The following GARS1 variants were observed in gnomAD, a reference collection of about 807,000 sequenced individuals.
The protein encoded by GARS1 is glycyl-tRNA synthetase 1, also known as glycine--tRNA ligase.
GARS1 carries 46 observed loss-of-function variants against 86.4 expected under a neutral mutation model. The observed-to-expected ratio is 0.53, with a 90% CI of 0.42 to 0.68. GARS1 has a LOEUF of 0.68. GARS1 is among the 30% of genes least tolerant of loss of function. GARS1 has a pLI of 0.00. For synonymous variants in GARS1, 342 were observed against 329.8 expected (o/e 1.04, Z -0.40); for missense variants, 797 against 915.6 (o/e 0.87, Z 1.67).
chr7:30,597,808 T>G (rs1002424762), intron 1 of GARS1, among the ~76,000 whole-genome samples: 3 of 152,232 alleles, frequency 2.0e-5, no homozygotes, highest in Non-Finnish European at 2.9e-5. Flanking sequence ...AATGGATCAC[T>G]GAAATTAGAA....
chr7:30,610,519 G>A (rs1039971846), intron 7 of GARS1, among the ~76,000 whole-genome samples: 21 of 152,170 alleles, frequency 1.4e-4, no homozygotes, highest in African/African-American at 4.8e-4. Flanking sequence ...TGAAGAATAA[G>A]AAAAATTAAT....
Position 30,599,885 on chromosome 7 carries a change from T to C in GARS1, c.325-62T>C, listed in dbSNP as rs561360176. On this transcript the variant is annotated intron_variant, in intron 2 of 16. Coordinates refer to ENST00000389266, the MANE Select transcript of GARS1 (RefSeq NM_002047.4). ...TGGTGAGGAATAAACTAAATTCAGA[T>C]ATATAAGTTCAGATTCCCACCCACC... The C allele has an allele frequency of 2.4e-5, 25 of 1,036,564 alleles. No homozygotes were observed. In the South Asian group the frequency reaches 3.3e-4, roughly 14 times the overall value. The allele number at this position is 1,036,564 out of a possible 1,614,324, so 64.2% of individuals were successfully genotyped here. A position where few individuals can be genotyped will look rare whatever the true frequency, so the allele number is the denominator to read the frequency against.
chr7:30,626,353 T>C, intron 13 of GARS1, 34 bp downstream of exon 13: 3 of 1,281,706 alleles, frequency 2.3e-6, no homozygotes, highest in Non-Finnish European at 3.4e-6. Flanking sequence ...AAAAAGTCAC[T>C]GCTCCTTAAA....
intron 3 of GARS1, among the ~76,000 whole-genome samples, chr7:30,600,409 G>T (rs1791348895): frequency 6.6e-6 from 1 of 152,194 alleles, no homozygotes; most frequent in Non-Finnish European, 1.5e-5. Context: ...TCACACAGGG[G>T]CAGTGATAAA....
chr7:30,602,473 C>G (rs1008792000), intron 4 of GARS1, among the ~76,000 whole-genome samples: 4 of 152,194 alleles, frequency 2.6e-5, no homozygotes, highest in Non-Finnish European at 5.9e-5. Context: ...GTTAGGTTCT[C>G]TTAATAATTT....
intron 13 of GARS1, 108 bp from the exon 14 acceptor site, chr7:30,628,452 T>C: frequency 1.3e-6 from 1 of 791,660 alleles, no homozygotes; most frequent in Non-Finnish European, 2.2e-6. Flanking sequence ...CCCAAAATGC[T>C]GGGATTACAG....
intron 7 of GARS1, among the ~76,000 whole-genome samples, chr7:30,610,533 G>A (rs934141933): frequency 2.6e-5 from 4 of 152,154 alleles, no homozygotes; most frequent in South Asian, 4.1e-4. Flanking sequence ...AATTAATTGT[G>A]ACAAAATGTG....
At chr7:30,620,452 C>G (rs911939415) in intron 10 of GARS1, among the ~76,000 whole-genome samples, 3 of 152,142 alleles carry the variant, frequency 2.0e-5, no homozygotes, top group Non-Finnish European at 4.4e-5. Flanking sequence ...GTCCCAAATT[C>G]CAGTGATTAG....
rs1562769088 is a variant in GARS1 at position 30,594,892 on chromosome 7, CCT to C, written c.-25_-24del. 2.6e-6 allele frequency: 4 copies of C among 1,525,356 alleles called. No homozygotes were observed. The highest frequency in any genetic ancestry group is 3.9e-5 in the Admixed American group (2 of 51,172). The allele number at this position is 1,525,356 out of a possible 1,614,324, so 94.5% of individuals were successfully genotyped here. ...CGGCGCGCGCCGCTTCCGTCGCCAC[CCT>C]CTCTGGACAGCCCAGGGCCGCAGGC... is the stretch of plus-strand genomic sequence containing the variant. On this transcript the variant is annotated 5_prime_UTR_variant, in exon 1 of 17. Coordinates refer to ENST00000389266, the MANE Select transcript of GARS1 (RefSeq NM_002047.4).
At chr7:30,620,129 A>C (rs1272938398) in intron 10 of GARS1, among the ~76,000 whole-genome samples, 1 of 7,392 alleles carries the variant, frequency 1.4e-4, no homozygotes, top group East Asian at 1.6e-3. Flanking sequence ...GATCAAGGGC[A>C]AAAAAAAAAA....
At chr7:30,611,039 T>C (rs1791588804) in intron 7 of GARS1, among the ~76,000 whole-genome samples, 1 of 152,230 alleles carries the variant, frequency 6.6e-6, no homozygotes, top group East Asian at 1.9e-4. Context: ...CCCTTGGTTT[T>C]AAAGTTATTT....
intron 8 of GARS1, among the ~76,000 whole-genome samples, chr7:30,613,065 C>A (rs916312464): frequency 2.6e-5 from 4 of 152,178 alleles, no homozygotes; most frequent in South Asian, 2.1e-4. Flanking sequence ...GTCTTCTCTT[C>A]TTACTCACTG....
chr7:30,612,719 C>G (rs1236831191), intron 8 of GARS1, among the ~76,000 whole-genome samples: 4 of 152,074 alleles, frequency 2.6e-5, no homozygotes, highest in Admixed American at 6.5e-5. Flanking sequence ...GTTCTGGAAA[C>G]AACCTCCGTC....
At chr7:30,622,113 A>G (rs1440707220) in intron 11 of GARS1, 10 of 606,696 alleles carry the variant, frequency 1.6e-5, no homozygotes, top group Admixed American at 8.0e-5. Flanking sequence ...AAAAGTTTCT[A>G]TTGATGGTGT....
rs1288258323 is a variant in GARS1 at position 30,626,273 on chromosome 7, A to G, written c.1653A>G (p.Leu551=). The G allele has an allele frequency of 3.1e-6, 5 of 1,608,270 alleles. No individual in the cohort carries two copies. The highest frequency in any genetic ancestry group is 1.3e-5 in the African/African-American group (1 of 74,960). The part of the protein sequence containing the change: ...TIETEGKTFQ[L]TKDMINVKRF... ...AAACTGAAGGGAAAACATTTCAGTT[A>G]ACAAAAGACATGATCAATGTGAAGA... Residue 551 remains leucine (L), a synonymous_variant, in exon 13 of 17, where the codon TTA becomes TTG. Coordinates refer to ENST00000389266, the MANE Select transcript of GARS1 (RefSeq NM_002047.4).
intron 12 of GARS1, among the ~76,000 whole-genome samples, chr7:30,625,337 G>A (rs1783106796): frequency 6.6e-6 from 1 of 152,184 alleles, no homozygotes; most frequent in Non-Finnish European, 1.5e-5. Flanking sequence ...ATGGAACCTT[G>A]AATGCATGCA....
chr7:30,599,730 A>T (rs1791334737), intron 2 of GARS1, among the ~76,000 whole-genome samples: 1 of 152,160 alleles, frequency 6.6e-6, no homozygotes, highest in African/African-American at 2.4e-5. Flanking sequence ...CTTGGAAATG[A>T]TCATATATTT....
chr7:30,619,895 G>A (rs1189761839), intron 10 of GARS1, among the ~76,000 whole-genome samples: 2 of 148,912 alleles, frequency 1.3e-5, no homozygotes, highest in African/African-American at 2.5e-5. Flanking sequence ...CTCCTGCCTC[G>A]GCCTCCCAAA....
chr7:30,620,638 A>T (rs771054448), intron 10 of GARS1, among the ~76,000 whole-genome samples: 4 of 152,244 alleles, frequency 2.6e-5, no homozygotes, highest in African/African-American at 9.6e-5. Context: ...GTGTGTATTT[A>T]TAAGAAAGGG....
Sources: gnomAD v4.1 joint callset for allele counts (sites outside exome capture counted in the v4.1 genomes callset) on GRCh38, gnomAD v4.1.1 for gene constraint, MANE v1.5 for transcripts, NCBI Gene and HGNC (gene_info 2026-07-23, HGNC 2026-07-21) for gene names.